Variants in KCNG4 observed in about 807,000 individuals in gnomAD.
KCNG4 encodes potassium voltage-gated channel modifier subfamily G member 4.
In KCNG4, 30 loss-of-function variants were observed where a neutral mutation model predicts 28.2. The ratio of observed to expected loss-of-function variants is 1.06; its 90% confidence interval spans 0.80 to 1.44. The LOEUF is 1.44. Ranked by LOEUF, KCNG4 falls within the 40% of genes most tolerant of loss-of-function variation. The pLI, the probability that KCNG4 is intolerant of heterozygous loss-of-function variation, is 0.00. For missense variants in KCNG4, 879 were observed against 712.3 expected, an observed-to-expected ratio of 1.23 and a Z score of -2.66; for synonymous variants, 375 against 315.5, an observed-to-expected ratio of 1.19 and a Z score of -2.00.
At position 84,222,030 on chromosome 16, in the gene KCNG4, G is replaced by A. The variant is rs980159548; in HGVS notation, c.*187C>T. On this transcript the variant is annotated 3_prime_UTR_variant, in exon 3 of 3. Coordinates refer to ENST00000308251, the MANE Select transcript of KCNG4 (RefSeq NM_172347.3). ...CAAGCAGGCTGGACACAGTCAGCCT[G>A]GGACATCGGGGCCCCGAGGGACAAG... The A allele has an allele frequency of 9.6e-5, 61 of 637,484 alleles. No individual in the cohort carries two copies. In the African/African-American group the frequency reaches 9.8e-4, roughly 10 times the overall value. 39.5% of individuals were successfully genotyped at this position (637,484 alleles called of 1,614,324 possible). A position where few individuals can be genotyped will look rare whatever the true frequency, so the allele number is the denominator to read the frequency against.
rs150509470 is a variant in KCNG4 at position 84,222,820 on chromosome 16, G to C, written c.957C>G (p.Asp319Glu). The C allele has an allele frequency of 6.2e-7, 1 of 1,609,690 alleles. No individual in the cohort carries two copies. Among genetic ancestry groups the C allele is most frequent in the Non-Finnish European group, 8.5e-7 (1 of 1,176,810 alleles). The change falls in exon 3 of 3, where the codon GAC becomes GAG. Residue 319 changes from aspartate to glutamate, a missense_variant. Asp to Glu is a conservative substitution (Grantham distance 45). Transcript: ENST00000308251. ...SLAVSEEPPE[D>E]GERPSGSSYL... Reference sequence around the variant, plus strand: ...AGGAGCTCCCGCTCGGCCTCTCGCCGTCCTCCGGGGGCTCCTCAGACACCG... The same window carrying C: ...AGGAGCTCCCGCTCGGCCTCTCGCCCTCCTCCGGGGGCTCCTCAGACACCG...
rs39554 is a variant in KCNG4 at position 84,220,161 on chromosome 16, G to T, written c.*2056C>A. 1 of 152,120 alleles carries T rather than the reference G, an allele frequency of 6.6e-6. No homozygotes were observed. Among genetic ancestry groups the T allele is most frequent in the Non-Finnish European group, 1.5e-5 (1 of 68,014 alleles). 9.4% of individuals were successfully genotyped at this position (152,120 alleles called of 1,614,324 possible). On this transcript the variant is annotated 3_prime_UTR_variant, in exon 3 of 3. Coordinates refer to ENST00000308251, the MANE Select transcript of KCNG4 (RefSeq NM_172347.3). ...GGTGCCTGTGACATGGAATTTCTACGCAACGCTTATGGGAATCTGCCTGTC... is the reference window on the plus strand; with the variant it reads ...GGTGCCTGTGACATGGAATTTCTACTCAACGCTTATGGGAATCTGCCTGTC...
At position 84,221,955 on chromosome 16, in the gene KCNG4, AC is replaced by A; in HGVS notation, c.*261del. The A allele has an allele frequency of 2.0e-6, 1 of 508,572 alleles. No homozygotes were observed. Among genetic ancestry groups the A allele is most frequent in the Non-Finnish European group, 3.5e-6 (1 of 285,996 alleles). 31.5% of individuals were successfully genotyped at this position (508,572 alleles called of 1,614,324 possible). A position where few individuals can be genotyped will look rare whatever the true frequency, so the allele number is the denominator to read the frequency against. On this transcript the variant is annotated 3_prime_UTR_variant, in exon 3 of 3. Coordinates refer to ENST00000308251, the MANE Select transcript of KCNG4 (RefSeq NM_172347.3). ...AAAGAGAATGAAAGGAGACTGAGCT[AC>A]TCCAGCAAGATTGGACATGCTCAGT...
chr16:84,222,279 G>C lies in KCNG4; in HGVS notation c.1498C>G (p.Leu500Val). ...ATTAGGTCATTGACATCGTTCATGA[G>C]CTCATGTTCACTGGCCACATGGGGG... ...LDPHVASEHE[L>V]MNDVNDLILE... The change falls in exon 3 of 3, where the codon CTC becomes GTC. Residue 500 changes from leucine to valine, a missense_variant. Transcript: ENST00000308251. 2 of 1,614,208 alleles carry C rather than the reference G, an allele frequency of 1.2e-6. No individual in the cohort carries two copies. The highest frequency in any genetic ancestry group is 1.7e-6 in the Non-Finnish European group (2 of 1,180,040).
Position 84,221,212 on chromosome 16 carries a change from C to G in KCNG4, c.*1005G>C, listed in dbSNP as rs1369098674. 1 of 152,224 alleles carries G rather than the reference C, an allele frequency of 6.6e-6. No homozygotes were observed. The allele number at this position is 152,224 out of a possible 1,614,324, so 9.4% of individuals were successfully genotyped here. ...ATCCTCCAGCATGGAGATGACTAGT[C>G]TGGGAAGCCAGCAAGGGACAGCACC... is the stretch of plus-strand genomic sequence containing the variant. On this transcript the variant is annotated 3_prime_UTR_variant, in exon 3 of 3. Coordinates refer to ENST00000308251, the MANE Select transcript of KCNG4 (RefSeq NM_172347.3).
intron 2 of KCNG4, among the ~76,000 whole-genome samples, chr16:84,232,139 G>T (rs1435769648): frequency 6.6e-6 from 1 of 152,158 alleles, no homozygotes; most frequent in African/African-American, 2.4e-5. Flanking sequence ...GTGGGGGTCG[G>T]TCTTTGGAAC....
intron 2 of KCNG4, chr16:84,236,460 A>C: frequency 2.0e-6 from 1 of 508,300 alleles, no homozygotes; most frequent in Non-Finnish European, 3.4e-6. Flanking sequence ...TGTGTGGCCC[A>C]CTGAGTCCAC....
At position 84,223,093 on chromosome 16, in the gene KCNG4, T is replaced by G. The variant is rs193264534; in HGVS notation, c.757-73A>C. On this transcript the variant is annotated intron_variant, in intron 2 of 2. Transcript: ENST00000308251. ...CTGTGCTGGAAATCGGGGGACGACT[T>G]CATGCCCATGAGCTTTGTGCTGTAA... The G allele has an allele frequency of 2.2e-4, 264 of 1,201,742 alleles. No individual in the cohort carries two copies. The African/African-American group carries it at 3.7e-3, about 17-fold the overall frequency. 74.4% of individuals were successfully genotyped at this position (1,201,742 alleles called of 1,614,324 possible).
intron 2 of KCNG4, among the ~76,000 whole-genome samples, chr16:84,230,821 C>T (rs996389303): frequency 2.0e-5 from 3 of 152,184 alleles, no homozygotes; most frequent in Non-Finnish European, 4.4e-5. Flanking sequence ...GTGGGGCAGG[C>T]GTAGCACCCA....
rs1304746117 is a variant in KCNG4, at chr16:84,219,534, C to T, written c.*2683G>A. The stretch of plus-strand genomic sequence containing the variant: ...ACGAGGTCAGGAGATGGAGACCATC[C>T]TGGCTAACATGGTGAAACCCCGTCT... On this transcript the variant is annotated 3_prime_UTR_variant, in exon 3 of 3. Transcript: ENST00000308251. 1 of 147,402 alleles carries T rather than the reference C, an allele frequency of 6.8e-6. No homozygotes were observed. Among genetic ancestry groups the T allele is most frequent in the Non-Finnish European group, 1.5e-5 (1 of 67,028 alleles). The allele number at this position is 147,402 out of a possible 1,614,324, so 9.1% of individuals were successfully genotyped here. A position where few individuals can be genotyped will look rare whatever the true frequency, so the allele number is the denominator to read the frequency against.
intron 2 of KCNG4, among the ~76,000 whole-genome samples, chr16:84,230,229 A>AC (rs916034271): frequency 8.6e-5 from 13 of 152,000 alleles, no homozygotes; most frequent in African/African-American, 2.9e-4. Context: ...ACATGGCGAA[A>AC]CCCCGTCTCT....
chr16:84,230,029 C>G (rs1036356816), intron 2 of KCNG4, among the ~76,000 whole-genome samples: 2 of 151,932 alleles, frequency 1.3e-5, no homozygotes, highest in African/African-American at 4.8e-5. Flanking sequence ...GGTGAGGAGG[C>G]AGGGAGGTGG....
In KCNG4 at chr16:84,222,781, C is replaced by G. The variant is rs774718982; in HGVS notation, c.996G>C (p.Val332=). 3.7e-6 allele frequency: 6 copies of G among 1,611,006 alleles called. No individual in the cohort carries two copies. Among genetic ancestry groups the G allele is most frequent in the Non-Finnish European group, 5.1e-6 (6 of 1,178,010 alleles). The change falls in exon 3 of 3, where the codon GTG becomes GTC. Residue 332 remains valine (V), a synonymous_variant. Transcript: ENST00000308251. ...RPSGSSYLEK[V]GLVLRVLRAL... ...CTCGCAGCACACGCAGGACCAGCCCCACCTTCTCCAGGTAGGAGCTCCCGC... is the reference window on the plus strand; with the variant it reads ...CTCGCAGCACACGCAGGACCAGCCCGACCTTCTCCAGGTAGGAGCTCCCGC...
At chr16:84,236,630 T>C (rs1904956637) in intron 2 of KCNG4, 100 bp downstream of exon 2, 1 of 1,215,124 alleles carries the variant, frequency 8.2e-7, no homozygotes, top group Non-Finnish European at 1.1e-6. Context: ...TTTTTTCTTC[T>C]TATTTTAAGA....
chr16:84,236,093 G>T (rs1458854216), intron 2 of KCNG4: 1 of 152,270 alleles, frequency 6.6e-6, no homozygotes, highest in African/African-American at 2.4e-5. Flanking sequence ...CAGTGAGACT[G>T]GCCCAGACAC....
intron 2 of KCNG4, among the ~76,000 whole-genome samples, chr16:84,227,328 G>A (rs2151337227): frequency 6.6e-6 from 1 of 152,324 alleles, no homozygotes; most frequent in South Asian, 2.1e-4. Context: ...TGTAATCCTG[G>A]CACTTTGGGA....
chr16:84,237,161 G>A lies in KCNG4; in HGVS notation c.325C>T (p.Gln109Ter), dbSNP rs765880853. The A allele has an allele frequency of 7.4e-6, 12 of 1,614,020 alleles. No individual in the cohort carries two copies. The highest frequency in any genetic ancestry group is 1.7e-5 in the Admixed American group (1 of 60,004). ...GGGCTCCTGTCGAAGAAGAACTCCT[G>A]GCTGTCCTCGTCGTAATCATCGCAG... ...QLCDDYDEDS[Q>*]EFFFDRSPSA... Residue 109 changes from glutamine to a stop codon, truncating the protein, a stop_gained, in exon 2 of 3, where the codon CAG becomes TAG. Transcript: ENST00000308251. LOFTEE classifies it high-confidence loss of function.
At chr16:84,232,138 G>A (rs1019409921) in intron 2 of KCNG4, among the ~76,000 whole-genome samples, 3 of 152,046 alleles carry the variant, frequency 2.0e-5, no homozygotes, top group Admixed American at 1.3e-4. Flanking sequence ...GGTGGGGGTC[G>A]GTCTTTGGAA....
Position 84,239,919 on chromosome 16 carries a change from ATTTT to A in KCNG4, c.-294_-291del, listed in dbSNP as rs57294981. The stretch of plus-strand genomic sequence containing the variant: ...GAGAGCCCTGGGGGATTGAGGTGGG[ATTTT>A]TTTTTTTTTTTAAAGGACCCAGAAG... On this transcript the variant is annotated 5_prime_UTR_variant, in exon 1 of 3. Transcript: ENST00000308251. 3.1e-3 allele frequency among the ~76,000 whole-genome samples: 455 copies of A among 148,384 alleles called. 4 individuals carry two copies. The highest frequency in any genetic ancestry group is 0.013 in the South Asian group (62 of 4,684).
Sources: allele counts gnomAD v4.1 joint callset (sites outside exome capture counted in the v4.1 genomes callset), GRCh38; gene constraint gnomAD v4.1.1; transcripts MANE v1.5; gene names NCBI Gene and HGNC (gene_info 2026-07-23, HGNC 2026-07-21).